LMLN: variants seen among roughly 807,000 people sequenced by gnomAD.
LMLN encodes leishmanolysin-like peptidase.
LMLN carries 70 observed loss-of-function variants against 92.3 expected under a neutral mutation model. The observed-to-expected ratio is 0.76, with a 90% CI of 0.63 to 0.92. The LOEUF (loss-of-function observed/expected upper bound fraction) is 0.92, where lower values mean the gene tolerates loss of function less well. LMLN is among the 40% of genes least tolerant of loss of function. The pLI, the probability that LMLN is intolerant of heterozygous loss-of-function variation, is 0.00. For missense variants in LMLN, 691 were observed against 814.6 expected, an observed-to-expected ratio of 0.85 and a Z score of 1.85; for synonymous variants, 308 against 296.2, an observed-to-expected ratio of 1.04 and a Z score of -0.41.
At chr3:197,986,821 C>G (rs1323649477) in intron 8 of LMLN, among the ~76,000 whole-genome samples, 2 of 150,112 alleles carry the variant, frequency 1.3e-5, no homozygotes, top group African/African-American at 2.5e-5. Flanking sequence ...TTTTAATGTT[C>G]TGTATGTTTG....
intron 15 of LMLN, among the ~76,000 whole-genome samples, chr3:198,036,490 T>C (rs1319873966): frequency 1.3e-5 from 2 of 152,116 alleles, no homozygotes; most frequent in East Asian, 3.9e-4. Flanking sequence ...AGGAGAAAGA[T>C]GCAATAACAC....
chr3:198,034,511 T>G (rs896655007), intron 14 of LMLN, among the ~76,000 whole-genome samples: 1 of 152,014 alleles, frequency 6.6e-6, no homozygotes, highest in Non-Finnish European at 1.5e-5. Context: ...CTTGGGAGGC[T>G]TAGGCACGAG....
At chr3:197,976,490 C>A in intron 4 of LMLN, 108 bp from the exon 5 acceptor site, 1 of 579,440 alleles carries the variant, frequency 1.7e-6, no homozygotes, top group Middle Eastern at 4.3e-4. Context: ...AAAATAGTAA[C>A]ATTATTAATG....
At chr3:197,976,558 C>CT in intron 4 of LMLN, 40 bp from the exon 5 acceptor site, 1 of 1,171,974 alleles carries the variant, frequency 8.5e-7, no homozygotes, top group Non-Finnish European at 1.2e-6. Context: ...AAAATATTCT[C>CT]TTTTTTGTAT....
At chr3:197,996,024 T>C in intron 9 of LMLN, 151 bp from the exon 10 acceptor site, 1 of 425,230 alleles carries the variant, frequency 2.4e-6, no homozygotes, top group Non-Finnish European at 4.2e-6. Flanking sequence ...TATTTAGTTA[T>C]ATTAAAAACC....
chr3:197,979,601 A>G (rs558893922), intron 5 of LMLN, among the ~76,000 whole-genome samples: 1 of 152,278 alleles, frequency 6.6e-6, no homozygotes, highest in Non-Finnish European at 1.5e-5. Context: ...GCCGATCACA[A>G]GTTCAGGAGT....
exon 15 of LMLN, chr3:198,035,881 T>C: frequency 1.9e-6 from 3 of 1,614,128 alleles, no homozygotes; most frequent in Non-Finnish European, 2.5e-6. Context: ...AGATACTTCA[T>C]ATTTGTGTAG....
intron 14 of LMLN, among the ~76,000 whole-genome samples, chr3:198,027,199 C>T (rs1722956047): frequency 6.6e-6 from 1 of 152,134 alleles, no homozygotes; most frequent in South Asian, 2.1e-4. Flanking sequence ...TTCTCCCACT[C>T]CCATTACCCT....
chr3:198,021,594 A>G (rs1722785754), exon 13 of LMLN: 1 of 1,613,882 alleles, frequency 6.2e-7, no homozygotes, highest in East Asian at 2.2e-5. Context: ...AGAATATTGG[A>G]AAATCAACCA....
chr3:197,989,678 G>T (rs1290174012), intron 8 of LMLN, among the ~76,000 whole-genome samples: 1 of 152,120 alleles, frequency 6.6e-6, no homozygotes, highest in East Asian at 1.9e-4. Context: ...CTCTTTATCT[G>T]CAAAATAGTG....
At chr3:197,960,273 G>T (rs778634976) in exon 1 of LMLN, 13 of 1,613,460 alleles carry the variant, frequency 8.1e-6, no homozygotes, top group African/African-American at 2.7e-5. Context: ...CGGAGGAGTG[G>T]GTTACTCGGG....
chr3:198,017,684 AGAGGTGGGCAGATCAC>A lies in LMLN; in HGVS notation c.1233-1563_1233-1548del, dbSNP rs1457639050. On this transcript the variant is annotated intron_variant, in intron 11 of 15. Coordinates refer to ENST00000330198, the Ensembl canonical transcript of LMLN. ...CCGTAATCCCAGCACTTTGGGAGGCAGAGGTGGGCAGATCACGAGGTCCAGAGATTGAGACCATCCT... is the reference window on the plus strand; with the variant it reads ...CCGTAATCCCAGCACTTTGGGAGGCAGAGGTCCAGAGATTGAGACCATCCT... Among the ~76,000 whole-genome samples the A allele has an allele frequency of 2.0e-5, 3 of 152,122 alleles. No individual in the cohort carries two copies. The East Asian group carries it at 5.8e-4, about 29-fold the overall frequency.
chr3:198,003,072 C>T, intron 11 of LMLN: 1 of 1,551,490 alleles, frequency 6.4e-7, no homozygotes. Flanking sequence ...GAGGAATGGG[C>T]TGTGACTTTG....
At chr3:197,995,632 C>T (rs1358906123) in intron 9 of LMLN, among the ~76,000 whole-genome samples, 3 of 151,816 alleles carry the variant, frequency 2.0e-5, no homozygotes, top group Non-Finnish European at 4.4e-5. Context: ...ATGGGTGTAA[C>T]ACTTTTTTTT....
At chr3:197,973,330 C>G (rs1721282115) in intron 1 of LMLN, among the ~76,000 whole-genome samples, 1 of 152,122 alleles carries the variant, frequency 6.6e-6, no homozygotes, top group East Asian at 1.9e-4. Flanking sequence ...CAAGCTCCAC[C>G]TCCTGGGTTC....
chr3:198,041,866 T>G (rs1464945867), exon 16 of LMLN: 1 of 152,192 alleles, frequency 6.6e-6, no homozygotes, highest in Non-Finnish European at 1.5e-5. Flanking sequence ...TGGCACCGTT[T>G]AGGTAGTATT....
At chr3:198,026,664 C>T (rs1280459998) in intron 14 of LMLN, among the ~76,000 whole-genome samples, 1 of 152,170 alleles carries the variant, frequency 6.6e-6, no homozygotes. Context: ...TTTGTCTACC[C>T]CTGACGTGGA....
intron 15 of LMLN, 112 bp from the exon 17 acceptor site, chr3:198,038,455 G>T: frequency 1.3e-6 from 1 of 779,430 alleles, no homozygotes. Context: ...AGCTCTCAAG[G>T]TGGTCCTTGT....
chr3:198,043,337 T>C (rs1309304067), exon 16 of LMLN: 1 of 152,636 alleles, frequency 6.6e-6, no homozygotes, highest in African/African-American at 2.4e-5. Flanking sequence ...CCACTGTCCG[T>C]GTCCTTGGAC....
Sources: allele counts gnomAD v4.1 joint callset (sites outside exome capture counted in the v4.1 genomes callset), GRCh38; gene constraint gnomAD v4.1.1; transcripts MANE v1.5; gene names NCBI Gene and HGNC (gene_info 2026-07-23, HGNC 2026-07-21).